PPP1R10: variants seen among roughly 807,000 people sequenced by gnomAD.
The protein encoded by PPP1R10 is serine/threonine-protein phosphatase 1 regulatory subunit 10.
PPP1R10 carries 15 observed loss-of-function variants against 99.0 expected under a neutral mutation model. The observed-to-expected ratio is 0.15, with a 90% CI of 0.10 to 0.23. The LOEUF (loss-of-function observed/expected upper bound fraction) is 0.23. Ranked by LOEUF, PPP1R10 falls within the 10% of genes least tolerant of loss-of-function variation. PPP1R10 has a pLI of 1.00. For synonymous variants in PPP1R10, 430 were observed against 449.5 expected (o/e 0.96, Z 0.55); for missense variants, 947 against 1,259.4 (o/e 0.75, Z 3.75).
At chr6:30,615,544 G>C (rs1334983353) in intron 2 of PPP1R10, among the ~76,000 whole-genome samples, 4 of 152,148 alleles carry the variant, frequency 2.6e-5, no homozygotes, top group African/African-American at 9.7e-5. Context: ...GACAAGGAAA[G>C]TCGCCATATT....
intron 5 of PPP1R10, among the ~76,000 whole-genome samples, chr6:30,608,301 C>CT (rs1190279084): frequency 0.015 from 1,641 of 111,722 alleles, 19 homozygotes; most frequent in Middle Eastern, 0.021. Flanking sequence ...TGACACATTC[C>CT]TTTTTTTTTT....
At chr6:30,608,309 T>C (rs1336834154) in intron 5 of PPP1R10, among the ~76,000 whole-genome samples, 1 of 150,094 alleles carries the variant, frequency 6.7e-6, no homozygotes, top group Non-Finnish European at 1.5e-5. Flanking sequence ...TCCTTTTTTT[T>C]TTTTTTTTTT....
At chr6:30,603,426 TAAG>T in intron 16 of PPP1R10, 43 bp downstream of exon 16, 1 of 1,595,040 alleles carries the variant, frequency 6.3e-7, no homozygotes, top group Non-Finnish European at 8.6e-7. Flanking sequence ...AGAGCGAGCT[TAAG>T]GAGGCTCCAC....
rs777339725 is a variant in PPP1R10 at position 30,603,595 on chromosome 6, C to T, written c.1644G>A (p.Gly548=). 14 of 1,613,882 alleles carry T rather than the reference C, an allele frequency of 8.7e-6. No individual in the cohort carries two copies. The highest frequency in any genetic ancestry group is 1.0e-5 in the Non-Finnish European group (12 of 1,179,990). ...EPGGSGGSPD[G]AGGSKLPPVL... ...CTGGAGGCAACTTGGAGCCTCCTGCCCCATCAGGTGAGCCACCTGACCCCC... is the reference window on the plus strand; with the variant it reads ...CTGGAGGCAACTTGGAGCCTCCTGCTCCATCAGGTGAGCCACCTGACCCCC... The change falls in exon 16 of 20, where the codon GGG becomes GGA. Residue 548 remains glycine, a synonymous_variant. Coordinates refer to ENST00000376511, the MANE Select transcript of PPP1R10 (RefSeq NM_002714.4).
At chr6:30,605,752 C>G (rs1320003314) in intron 10 of PPP1R10, 171 bp downstream of exon 10, 2 of 664,650 alleles carry the variant, frequency 3.0e-6, no homozygotes, top group Non-Finnish European at 2.6e-6. Flanking sequence ...CCCAGCTACT[C>G]GGGAGGCTGA....
At chr6:30,615,930 G>A (rs570596720) in intron 2 of PPP1R10, among the ~76,000 whole-genome samples, 20 of 152,134 alleles carry the variant, frequency 1.3e-4, no homozygotes, top group Non-Finnish European at 2.6e-4. Flanking sequence ...GGATTTAACA[G>A]TCATTTAAAA....
Position 30,600,519 on chromosome 6 carries a change from C to G in PPP1R10, c.*1030G>C, listed in dbSNP as rs1162777339. 6.6e-6 allele frequency: 1 copy of G among 152,586 alleles called. No individual in the cohort carries two copies. Among genetic ancestry groups the G allele is most frequent in the African/African-American group, 2.4e-5 (1 of 41,430 alleles). The allele number at this position is 152,586 out of a possible 1,614,324, so 9.5% of individuals were successfully genotyped here. On this transcript the variant is annotated 3_prime_UTR_variant, in exon 20 of 20. Coordinates refer to ENST00000376511, the MANE Select transcript of PPP1R10 (RefSeq NM_002714.4). ...TCTAACCCAAGACCCTGCACAAAAC[C>G]CAACCAATCCACTGTTTTCATAGAA...
At position 30,605,936 on chromosome 6, in the gene PPP1R10, G is replaced by A; in HGVS notation, c.840C>T (p.Ile280=). 6.2e-7 allele frequency: 1 copy of A among 1,612,820 alleles called. No homozygotes were observed. The highest frequency in any genetic ancestry group is 1.3e-5 in the African/African-American group (1 of 74,906). The part of the protein sequence containing the change: ...PNATKEIKVK[I]IPPQPMEGLG... ...CTTTAGACTCACGCTGTGGCGGGAT[G>A]ATCTTCACTTTGATCTCTTTGGTGG... is the stretch of plus-strand genomic sequence containing the variant. The change falls in exon 10 of 20, where the codon ATC becomes ATT. Residue 280 remains isoleucine (I), a synonymous_variant. Coordinates refer to ENST00000376511, the MANE Select transcript of PPP1R10 (RefSeq NM_002714.4).
chr6:30,607,931 G>A (rs752380872), intron 5 of PPP1R10, 40 bp from the exon 6 acceptor site: 2 of 1,596,860 alleles, frequency 1.3e-6, no homozygotes, highest in Non-Finnish European at 1.7e-6. Flanking sequence ...AATGCCAGGA[G>A]GCAAATAATT....
intron 19 of PPP1R10, 98 bp downstream of exon 19, chr6:30,601,838 C>T (rs1308434012): frequency 1.1e-5 from 16 of 1,409,356 alleles, no homozygotes; most frequent in African/African-American, 1.4e-5. Context: ...GGGTACCTCA[C>T]GTTCTGCCTA....
intron 17 of PPP1R10, 118 bp downstream of exon 17, chr6:30,603,092 C>A: frequency 7.0e-7 from 1 of 1,433,552 alleles, no homozygotes; most frequent in Non-Finnish European, 9.7e-7. Flanking sequence ...GTCTTCCCCT[C>A]CCATTTCTTG....
At chr6:30,617,061 C>T (rs1760674599) in intron 1 of PPP1R10, 63 bp from the exon 2 acceptor site, 1 of 152,462 alleles carries the variant, frequency 6.6e-6, no homozygotes, top group African/African-American at 2.4e-5. Context: ...AAAACACTCA[C>T]AAATGCCATC....
At position 30,607,820 on chromosome 6, in the gene PPP1R10, G is replaced by C. The variant is rs943252209; in HGVS notation, c.382+20C>G. 3 of 1,608,004 alleles carry C rather than the reference G, an allele frequency of 1.9e-6. No homozygotes were observed. The South Asian group carries it at 3.3e-5, about 18-fold the overall frequency. ...AAGTAATAGAGAAAAGCCCATGAGA[G>C]AGCAGAAGTGGCACCCTACCTTCAT... On this transcript the variant is annotated intron_variant, in intron 6 of 19. Transcript: ENST00000376511.
In PPP1R10 at chr6:30,601,553, G is replaced by A. The variant is rs779133369; in HGVS notation, c.2819C>T (p.Pro940Leu). ...AACAGGGCAGGCAAATGGTCCCTAGGGCAGGGGGGGCCCATTGACACCCGG... is the reference window on the plus strand; with the variant it reads ...AACAGGGCAGGCAAATGGTCCCTAGAGCAGGGGGGGCCCATTGACACCCGG... ...YHPGVNGPPL[P>L] Residue 940 changes from proline to leucine, a missense_variant, in exon 20 of 20, where the codon CCC becomes CTC. Around this residue, in one of 10 missense-constraint regions of PPP1R10, gnomAD observed 17 missense variants for 46.4 expected, o/e 0.37. Coordinates refer to ENST00000376511, the MANE Select transcript of PPP1R10 (RefSeq NM_002714.4). 1.2e-6 allele frequency: 2 copies of A among 1,613,758 alleles called. No individual in the cohort carries two copies.
rs1407435447 is a variant in PPP1R10, at chr6:30,602,227, T to G, written c.2422A>C (p.Ser808Arg). 7.5e-6 allele frequency: 12 copies of G among 1,600,982 alleles called. No individual in the cohort carries two copies. Among genetic ancestry groups the G allele is most frequent in the Non-Finnish European group, 1.0e-5 (12 of 1,175,846 alleles). Reference sequence around the variant, plus strand: ...TGGGGACGATGGCCACTGCCACCACTGATGCCACCGCCAGGGCCTTCGTGG... The same window carrying G: ...TGGGGACGATGGCCACTGCCACCACGGATGCCACCGCCAGGGCCTTCGTGG... ...RPHEGPGGGI[S>R]GGSGHRPHEG... is the part of the protein sequence containing the mutation. Residue 808 changes from serine (S) to arginine (R), a missense_variant, in exon 19 of 20, where the codon AGT becomes CGT. Transcript: ENST00000376511. The surrounding 1 kb of genome is among the most constrained non-coding windows in gnomAD (Gnocchi z 6.7).
At chr6:30,608,491 CG>C (rs1233688572) in intron 5 of PPP1R10, among the ~76,000 whole-genome samples, 3 of 151,852 alleles carry the variant, frequency 2.0e-5, no homozygotes, top group African/African-American at 7.3e-5. Flanking sequence ...TTAGTGGAGA[CG>C]GGGTTTCACC....
intron 2 of PPP1R10, among the ~76,000 whole-genome samples, chr6:30,616,142 G>A (rs1582684620): frequency 6.6e-6 from 1 of 152,182 alleles, no homozygotes; most frequent in South Asian, 2.1e-4. Flanking sequence ...CCAGAGGAAG[G>A]TAACCATTCC....
intron 2 of PPP1R10, among the ~76,000 whole-genome samples, chr6:30,610,667 C>T (rs1179899453): frequency 6.6e-6 from 1 of 152,172 alleles, no homozygotes; most frequent in Non-Finnish European, 1.5e-5. Flanking sequence ...CCAAACACTA[C>T]ACAAGTTTTT....
In PPP1R10 at chr6:30,606,890, A is replaced by C. The variant is rs992800618; in HGVS notation, c.383-34T>G. ...GACAGAAAGGGGAAATGCCTAAATA[A>C]TGTAAAGTAACATTCTTCCAGGAAC... On this transcript the variant is annotated intron_variant, in intron 6 of 19. Transcript: ENST00000376511. This position sits in a 1 kb window ranked among gnomAD's most constrained non-coding sequence, Gnocchi z 6.3. The C allele has an allele frequency of 2.6e-6, 4 of 1,543,922 alleles. No homozygotes were observed. In the African/African-American group the frequency reaches 5.5e-5, roughly 21 times the overall value.
Sources: gnomAD v4.1 joint callset for allele counts (sites outside exome capture counted in the v4.1 genomes callset) on GRCh38, gnomAD v4.1.1 for gene constraint, gnomAD v4.1.1 regional missense constraint, Gnocchi (gnomAD v3.1) non-coding constraint, MANE v1.5 for transcripts, NCBI Gene and HGNC (gene_info 2026-07-23, HGNC 2026-07-21) for gene names.